Variants in SLC2A9 observed in about 807,000 individuals in gnomAD.
SLC2A9 encodes the protein solute carrier family 2 member 9.
SLC2A9 carries 39 observed loss-of-function variants against 50.6 expected under a neutral mutation model. The observed-to-expected ratio is 0.77, with a 90% CI of 0.60 to 1.01. SLC2A9 has a LOEUF of 1.01. SLC2A9 is among the 50% of genes least tolerant of loss of function. The probability of loss-of-function intolerance (pLI) is 0.00; values close to 1 mark genes in which losing one functional copy is unlikely to be tolerated. For synonymous variants in SLC2A9, 324 were observed against 276.9 expected, an observed-to-expected ratio of 1.17 and a Z score of -1.69; for missense variants, 686 against 677.6, an observed-to-expected ratio of 1.01 and a Z score of -0.14.
At chr4:10,017,188 T>C (rs1762755611) in intron 2 of SLC2A9, among the ~76,000 whole-genome samples, 1 of 152,228 alleles carries the variant, frequency 6.6e-6, no homozygotes, top group Non-Finnish European at 1.5e-5. Context: ...AAGTGAGTAA[T>C]GGGATTCCTC....
intron 7 of SLC2A9, among the ~76,000 whole-genome samples, chr4:9,908,805 G>C (rs1052578322): frequency 6.6e-6 from 1 of 152,092 alleles, no homozygotes; most frequent in African/African-American, 2.4e-5. Context: ...AGCCAAGTGT[G>C]GCAGCGAGAT....
At chr4:9,812,358 T>A (rs984313165) in intron 3 of SLC2A9, among the ~76,000 whole-genome samples, 4 of 152,222 alleles carry the variant, frequency 2.6e-5, no homozygotes, top group African/African-American at 4.8e-5. Context: ...AGTTATTTAA[T>A]TAGAATTGTG....
In SLC2A9 at chr4:9,826,435, A is replaced by C; in HGVS notation, c.1585T>G (p.Ser529Ala). ...KAYPPEEKID[S>A]AVTDGKINGR... ...TTTATCTTACCATCAGTGACAGCTG[A>C]GTCGATTTTCTCTTCTGGTGGGTAT... is the stretch of plus-strand genomic sequence containing the variant. The change falls in exon 12 of 12, where the codon TCA becomes GCA. Residue 529 changes from serine (S) to alanine (A), a missense_variant. Transcript: ENST00000264784. 6.2e-7 allele frequency: 1 copy of C among 1,614,096 alleles called. No homozygotes were observed. The highest frequency in any genetic ancestry group is 8.5e-7 in the Non-Finnish European group (1 of 1,179,954).
upstream of SLC2A9, among the ~76,000 whole-genome samples, chr4:10,021,988 G>A (rs1215871543): frequency 6.6e-6 from 1 of 152,084 alleles, no homozygotes; most frequent in Non-Finnish European, 1.5e-5. Flanking sequence ...ATAGGCGTGT[G>A]CCACCACGCC....
intron 1 of SLC2A9, 129 bp downstream of exon 1, chr4:10,021,151 C>T (rs998878957): frequency 2.0e-6 from 2 of 977,704 alleles, no homozygotes; most frequent in East Asian, 2.5e-5. Flanking sequence ...CTGAGGCCTC[C>T]CTGCCTCAAA....
chr4:10,014,032 C>A (rs958684494), intron 2 of SLC2A9, among the ~76,000 whole-genome samples: 4 of 152,196 alleles, frequency 2.6e-5, no homozygotes, highest in African/African-American at 9.6e-5. Flanking sequence ...CCAAGGGTTT[C>A]TTTCTCCTTC....
At chr4:9,940,135 C>G (rs1404779626) in intron 6 of SLC2A9, among the ~76,000 whole-genome samples, 1 of 152,206 alleles carries the variant, frequency 6.6e-6, no homozygotes, top group African/African-American at 2.4e-5. Flanking sequence ...GTTACCCTCC[C>G]AGGCTAGTAG....
chr4:9,939,024 C>T (rs140838086), intron 6 of SLC2A9, among the ~76,000 whole-genome samples: 1 of 152,318 alleles, frequency 6.6e-6, no homozygotes, highest in African/African-American at 2.4e-5. Context: ...TACCCTAAAA[C>T]TTTGAAGCCC....
chr4:9,791,670 A>T (rs1719934781), intron 3 of SLC2A9, among the ~76,000 whole-genome samples: 1 of 152,160 alleles, frequency 6.6e-6, no homozygotes, highest in South Asian at 2.1e-4. Flanking sequence ...AGGTTGTGGG[A>T]GTGTCTGACC....
At chr4:10,033,872 C>G (rs1388523912) in intron 1 of SLC2A9, among the ~76,000 whole-genome samples, 1 of 152,218 alleles carries the variant, frequency 6.6e-6, no homozygotes, top group Admixed American at 6.5e-5. Context: ...CCACATGGGC[C>G]CTGTGTCCTT....
intron 1 of SLC2A9, among the ~76,000 whole-genome samples, chr4:10,027,702 A>G (rs1421606184): frequency 6.6e-6 from 1 of 151,924 alleles, no homozygotes; most frequent in Non-Finnish European, 1.5e-5. Context: ...TGGGGGTAGA[A>G]CTGCCTACCC....
At chr4:10,021,585 C>T, upstream of SLC2A9, 1 of 1,106,614 alleles carries the variant, frequency 9.0e-7, no homozygotes. Context: ...AACGGGGCAA[C>T]ATTTTTTTCT....
intron 10 of SLC2A9, among the ~76,000 whole-genome samples, chr4:9,884,536 A>G (rs555943052): frequency 6.6e-6 from 1 of 152,270 alleles, no homozygotes; most frequent in African/African-American, 2.4e-5. Context: ...CATCTGTGCA[A>G]CAGTGTATTT....
Position 9,997,773 on chromosome 4 carries a change from C to G in SLC2A9, c.250-832G>C, listed in dbSNP as rs549972667. On this transcript the variant is annotated intron_variant, in intron 2 of 11. Transcript: ENST00000264784. The stretch of plus-strand genomic sequence containing the variant: ...AATGCAACACACACAAAAAAACTAG[C>G]CATAAAAGAAAAAAAAATGCTCATT... Among the ~76,000 whole-genome samples, 34 of 141,022 alleles carry G rather than the reference C, an allele frequency of 2.4e-4. No individual in the cohort carries two copies. In the South Asian group the frequency reaches 7.0e-3, roughly 29 times the overall value. The allele number at this position is 141,022 out of a possible 152,430, so 92.5% of individuals were successfully genotyped here. A position where few individuals can be genotyped will look rare whatever the true frequency, so the allele number is the denominator to read the frequency against.
chr4:9,790,449 T>C (rs973753637), intron 3 of SLC2A9, among the ~76,000 whole-genome samples: 3 of 152,154 alleles, frequency 2.0e-5, no homozygotes, highest in Admixed American at 6.6e-5. Flanking sequence ...GTATGGCTTG[T>C]AGGGGCTAAC....
intron 10 of SLC2A9, among the ~76,000 whole-genome samples, chr4:9,883,321 G>A (rs1735571232): frequency 6.6e-6 from 1 of 152,222 alleles, no homozygotes; most frequent in African/African-American, 2.4e-5. Flanking sequence ...GAAAGTCCAG[G>A]GTAGTGTGTA....
At chr4:9,880,940 A>C (rs952069017) in intron 10 of SLC2A9, among the ~76,000 whole-genome samples, 1 of 151,880 alleles carries the variant, frequency 6.6e-6, no homozygotes, top group African/African-American at 2.4e-5. Flanking sequence ...ATGCACACAG[A>C]CTCCCCAACA....
chr4:9,852,532 A>G (rs892396960), intron 10 of SLC2A9, among the ~76,000 whole-genome samples: 4 of 152,020 alleles, frequency 2.6e-5, no homozygotes, highest in African/African-American at 4.8e-5. Flanking sequence ...GATTACAGGC[A>G]TGAGCCACCG....
chr4:9,984,661 C>A (rs558824404), intron 4 of SLC2A9, among the ~76,000 whole-genome samples: 1 of 152,156 alleles, frequency 6.6e-6, no homozygotes, highest in Non-Finnish European at 1.5e-5. Flanking sequence ...AGAAAGAGAG[C>A]AGCGTTTGTC....
Sources: gnomAD v4.1 joint callset for allele counts (sites outside exome capture counted in the v4.1 genomes callset) on GRCh38, gnomAD v4.1.1 for gene constraint, MANE v1.5 for transcripts, NCBI Gene and HGNC (gene_info 2026-07-23, HGNC 2026-07-21) for gene names.